The following GREB1 variants were observed in gnomAD, a reference collection of about 807,000 sequenced individuals.
GREB1 encodes the protein protein GREB1.
GREB1 carries 106 observed loss-of-function variants against 200.7 expected under a neutral mutation model. That is an observed-to-expected ratio of 0.53 (90% CI 0.45 to 0.62). The LOEUF (loss-of-function observed/expected upper bound fraction) is 0.62. GREB1 is among the 20% of genes least tolerant of loss of function. The pLI is 0.00. For missense variants in GREB1, 2,243 were observed against 2,556.8 expected (o/e 0.88, Z 2.65); for synonymous variants, 1,132 against 1,092.4 (o/e 1.04, Z -0.72).
Position 11,595,282 on chromosome 2 carries a change from C to A in GREB1, c.1728C>A (p.Ser576Arg). ...ACCAAGCCCGGATTCTTTCCGAGAGCCTTCTCACTCCTGCGGAGTACCAGA... is the reference window on the plus strand; with the variant it reads ...ACCAAGCCCGGATTCTTTCCGAGAGACTTCTCACTCCTGCGGAGTACCAGA... ...GKYQARILSESLLTPAEYQKE... is the reference protein window; with the variant it reads ...GKYQARILSERLLTPAEYQKE... Residue 576 changes from serine (S) to arginine (R), a missense_variant, in exon 12 of 33, where the codon AGC (serine) becomes AGA (arginine). Ser to Arg is a moderately radical substitution (Grantham distance 110). Around this residue, in one of 3 missense-constraint regions of GREB1, gnomAD observed 1,178 missense variants for 1,387.4 expected, o/e 0.85. Transcript: ENST00000381486. 1 of 1,613,650 alleles carries A rather than the reference C, an allele frequency of 6.2e-7. No individual in the cohort carries two copies. The highest frequency in any genetic ancestry group is 8.5e-7 in the Non-Finnish European group (1 of 1,179,656).
intron 19 of GREB1, 97 bp from the exon 20 acceptor site, chr2:11,614,994 G>A (rs761144858): frequency 1.1e-6 from 1 of 884,908 alleles, no homozygotes; most frequent in Non-Finnish European, 1.9e-6. Flanking sequence ...CACCAGGAAG[G>A]TGGGGTGTGG....
chr2:11,607,625 T>TAGATAC (rs1553373821), intron 17 of GREB1, among the ~76,000 whole-genome samples: 2 of 137,962 alleles, frequency 1.4e-5, no homozygotes, highest in African/African-American at 3.1e-5. Flanking sequence ...TATATGCATA[T>TAGATAC]ATATACATAT....
intron 1 of GREB1, among the ~76,000 whole-genome samples, chr2:11,483,540 T>C (rs936379870): frequency 1.3e-5 from 2 of 151,432 alleles, no homozygotes; most frequent in Admixed American, 6.6e-5. Context: ...GGAGAAAATT[T>C]TGGGGTATCT....
rs1479863002 is a variant in GREB1, at chr2:11,638,720, G to C, written c.5597G>C (p.Cys1866Ser). ...SSRPHSLNIS[C>S]SDLLFSGLLL... ...AGGCCCCACTCTTTAAACATCAGCT[G>C]CTCGGACTTGCTGTTCAGTGGGCTG... is the stretch of plus-strand genomic sequence containing the variant. The change falls in exon 32 of 33, where the codon TGC becomes TCC. Residue 1866 changes from cysteine to serine, a missense_variant. By Grantham distance (112) the Cys-to-Ser change is moderately radical. Transcript: ENST00000381486. The C allele has an allele frequency of 1.9e-6, 3 of 1,614,060 alleles. No homozygotes were observed. In the South Asian group the frequency reaches 3.3e-5, roughly 18 times the overall value.
intron 17 of GREB1, among the ~76,000 whole-genome samples, chr2:11,609,242 TTTTATTTATTTATTTA>T (rs60473726): frequency 1.5e-5 from 2 of 136,878 alleles, no homozygotes; most frequent in African/African-American, 2.7e-5. Context: ...GGCATTATTA[TTTTATTTATTTATTTA>T]TTTATTTATT....
chr2:11,541,060 G>A (rs909285195), intron 1 of GREB1, among the ~76,000 whole-genome samples: 1 of 152,232 alleles, frequency 6.6e-6, no homozygotes, highest in Non-Finnish European at 1.5e-5. Flanking sequence ...GCATGGGTCA[G>A]TGATGTCTGG....
chr2:11,522,402 G>A (rs1572586021), intron 1 of GREB1, among the ~76,000 whole-genome samples: 1 of 152,128 alleles, frequency 6.6e-6, no homozygotes, highest in Non-Finnish European at 1.5e-5. Flanking sequence ...TGCAGCTAAT[G>A]CTTTTTAAGC....
chr2:11,622,704 G>C (rs946572789), intron 23 of GREB1, among the ~76,000 whole-genome samples: 2 of 152,194 alleles, frequency 1.3e-5, no homozygotes, highest in African/African-American at 4.8e-5. Flanking sequence ...CATACTGGCT[G>C]GGGGGCATTT....
chr2:11,518,353 G>A (rs968430189), intron 1 of GREB1, among the ~76,000 whole-genome samples: 2 of 152,182 alleles, frequency 1.3e-5, no homozygotes, highest in African/African-American at 2.4e-5. Flanking sequence ...TTTGGGTAAG[G>A]TGACTGTGTT....
At chr2:11,525,219 T>A (rs1673830553) in intron 1 of GREB1, among the ~76,000 whole-genome samples, 2 of 152,282 alleles carry the variant, frequency 1.3e-5, no homozygotes, top group African/African-American at 4.8e-5. Context: ...TAAAATGGCA[T>A]CCGGGCTGGG....
intron 4 of GREB1, among the ~76,000 whole-genome samples, chr2:11,573,842 C>T (rs1376510071): frequency 1.3e-5 from 2 of 152,232 alleles, no homozygotes; most frequent in Non-Finnish European, 1.5e-5. Context: ...AGCACAGCGA[C>T]GGTCCCCAGC....
chr2:11,553,959 A>G (rs931510382), intron 1 of GREB1, among the ~76,000 whole-genome samples: 6 of 152,150 alleles, frequency 3.9e-5, no homozygotes, highest in African/African-American at 7.2e-5. Flanking sequence ...CTTAAGCTCT[A>G]TAGACAAAGA....
intron 23 of GREB1, among the ~76,000 whole-genome samples, chr2:11,623,043 A>G (rs1222234914): frequency 6.6e-6 from 1 of 152,234 alleles, no homozygotes; most frequent in Non-Finnish European, 1.5e-5. Flanking sequence ...CACTCCAAGC[A>G]TCATCCTTTG....
At chr2:11,600,135 T>G (rs1681650570) in intron 15 of GREB1, among the ~76,000 whole-genome samples, 1 of 152,208 alleles carries the variant, frequency 6.6e-6, no homozygotes, top group Non-Finnish European at 1.5e-5. Flanking sequence ...TGTGTGGGCT[T>G]GGGGGAAATC....
At chr2:11,631,274 A>G (rs1054273601) in intron 26 of GREB1, among the ~76,000 whole-genome samples, 2 of 152,238 alleles carry the variant, frequency 1.3e-5, no homozygotes, top group Non-Finnish European at 2.9e-5. Context: ...TACATAAAAG[A>G]TATAACAACC....
At chr2:11,515,783 A>T (rs943262477) in intron 1 of GREB1, among the ~76,000 whole-genome samples, 1 of 152,234 alleles carries the variant, frequency 6.6e-6, no homozygotes, top group East Asian at 1.9e-4. Flanking sequence ...GCAAAGGCTA[A>T]AATCCTCTGG....
At chr2:11,565,489 C>G (rs1677535777) in intron 3 of GREB1, among the ~76,000 whole-genome samples, 1 of 152,208 alleles carries the variant, frequency 6.6e-6, no homozygotes, top group Admixed American at 6.5e-5. Context: ...AGAGAGGTCT[C>G]AGTCGGGAGC....
chr2:11,595,171 G>A, intron 11 of GREB1, 80 bp from the exon 12 acceptor site: 4 of 1,312,182 alleles, frequency 3.0e-6, no homozygotes, highest in African/African-American at 1.5e-5. Context: ...GTCTAGAAGG[G>A]TTAAGGGACT....
At position 11,633,480 on chromosome 2, in the gene GREB1, CG is replaced by C. The variant is rs1432629809; in HGVS notation, c.4991+418del. Among the ~76,000 whole-genome samples the C allele has an allele frequency of 6.6e-6, 1 of 151,208 alleles. No individual in the cohort carries two copies. The highest frequency in any genetic ancestry group is 2.4e-5 in the African/African-American group (1 of 41,082). ...TTGGGAGGCTGAGGCAGAAGCATGG[CG>C]TGAACCCGGGAGGCGGAGCTTGTAG... On this transcript the variant is annotated intron_variant, in intron 28 of 32. Coordinates refer to ENST00000381486, the MANE Select transcript of GREB1 (RefSeq NM_014668.4). The surrounding 1 kb of genome is among the most constrained non-coding windows in gnomAD (Gnocchi z 4.1).
Sources: allele counts gnomAD v4.1 joint callset (sites outside exome capture counted in the v4.1 genomes callset), GRCh38; gene constraint gnomAD v4.1.1; regional missense constraint gnomAD v4.1.1; non-coding constraint Gnocchi (gnomAD v3.1); transcripts MANE v1.5; gene names NCBI Gene and HGNC (gene_info 2026-07-23, HGNC 2026-07-21).